Variants in SUCLG2 observed in about 807,000 individuals in gnomAD.
SUCLG2 encodes succinate--CoA ligase [GDP-forming] subunit beta, mitochondrial.
SUCLG2 carries 42 observed loss-of-function variants against 47.9 expected under a neutral mutation model. The observed-to-expected ratio is 0.88, with a 90% CI of 0.69 to 1.14. SUCLG2 has a LOEUF of 1.14. Among genes scored for constraint, SUCLG2 ranks in the 50% most tolerant of loss-of-function variants. The probability of loss-of-function intolerance (pLI) is 0.00; values close to 1 mark genes in which losing one functional copy is unlikely to be tolerated. For missense variants in SUCLG2, 571 were observed against 525.9 expected (o/e 1.09, Z -0.84); for synonymous variants, 195 against 197.3 (o/e 0.99, Z 0.10).
At chr3:67,431,633 C>G (rs1324952336) in intron 9 of SUCLG2, among the ~76,000 whole-genome samples, 1 of 151,632 alleles carries the variant, frequency 6.6e-6, no homozygotes, top group African/African-American at 2.4e-5. Flanking sequence ...CAAACTATCA[C>G]AAGGACAGAA....
chr3:67,527,674 A>G (rs1706291241), intron 4 of SUCLG2, among the ~76,000 whole-genome samples: 1 of 152,200 alleles, frequency 6.6e-6, no homozygotes, highest in Admixed American at 6.5e-5. Context: ...TACCCCCAGC[A>G]ATAAAAATGG....
intron 2 of SUCLG2, among the ~76,000 whole-genome samples, chr3:67,558,402 C>A (rs1453066764): frequency 1.3e-5 from 2 of 151,350 alleles, no homozygotes; most frequent in African/African-American, 4.9e-5. Flanking sequence ...CGGTAGCTCT[C>A]TAGAAAGAAG....
intron 2 of SUCLG2, among the ~76,000 whole-genome samples, chr3:67,554,218 C>T (rs888165790): frequency 2.0e-5 from 3 of 152,164 alleles, no homozygotes; most frequent in Non-Finnish European, 4.4e-5. Context: ...GGATGTGCTA[C>T]TACATGTTTT....
At chr3:67,402,375 A>G (rs746315400) in intron 9 of SUCLG2, among the ~76,000 whole-genome samples, 2 of 152,224 alleles carry the variant, frequency 1.3e-5, no homozygotes, top group African/African-American at 2.4e-5. Context: ...TGGAAATACA[A>G]ACTTATTGAA....
chr3:67,563,972 A>AG (rs1559574052), intron 2 of SUCLG2, among the ~76,000 whole-genome samples: 13 of 145,516 alleles, frequency 8.9e-5, no homozygotes, highest in Admixed American at 1.4e-4. Flanking sequence ...AAAAAAAAAA[A>AG]AAAAAAGAAA....
intron 7 of SUCLG2, among the ~76,000 whole-genome samples, chr3:67,505,604 T>C (rs560845843): frequency 6.6e-6 from 1 of 152,220 alleles, no homozygotes; most frequent in South Asian, 2.1e-4. Flanking sequence ...ATATGAACAA[T>C]AACCTGAATT....
At position 67,412,594 on chromosome 3, in the gene SUCLG2, T is replaced by A. The variant is rs1400985938; in HGVS notation, c.1063-11743A>T. ...AGGAGAGGGAATTGGGGGCATTTAT[T>A]CCCCCGTCCCTCCCAGCACGATTGT... On this transcript the variant is annotated intron_variant, in intron 9 of 10. Coordinates refer to ENST00000307227, the MANE Select transcript of SUCLG2 (RefSeq NM_003848.4). Among the ~76,000 whole-genome samples, 3 of 151,988 alleles carry A rather than the reference T, an allele frequency of 2.0e-5. No individual in the cohort carries two copies. In the East Asian group the frequency reaches 5.8e-4, roughly 29 times the overall value.
chr3:67,549,128 T>G (rs904288230), intron 2 of SUCLG2, among the ~76,000 whole-genome samples: 1 of 152,220 alleles, frequency 6.6e-6, no homozygotes, highest in Non-Finnish European at 1.5e-5. Context: ...TCCACAAGTT[T>G]CCTTGCACCA....
intron 10 of SUCLG2, among the ~76,000 whole-genome samples, chr3:67,387,201 T>C (rs902618344): frequency 2.0e-5 from 3 of 152,196 alleles, no homozygotes; most frequent in African/African-American, 7.2e-5. Flanking sequence ...TGCAGCATAA[T>C]TGATCCCAAT....
intron 1 of SUCLG2, among the ~76,000 whole-genome samples, chr3:67,637,222 G>C (rs1701025520): frequency 6.6e-6 from 1 of 152,094 alleles, no homozygotes; most frequent in Admixed American, 6.5e-5. Context: ...AAATTAAAAA[G>C]GGATATCAGA....
chr3:67,497,117 A>G (rs1705366374), intron 8 of SUCLG2, among the ~76,000 whole-genome samples: 1 of 152,170 alleles, frequency 6.6e-6, no homozygotes. Flanking sequence ...CAGGATCAGA[A>G]TGATGTGAGT....
Position 67,498,323 on chromosome 3 carries a change from T to C in SUCLG2, c.758-28A>G, listed in dbSNP as rs776331948. 4 of 1,608,794 alleles carry C rather than the reference T, an allele frequency of 2.5e-6. No individual in the cohort carries two copies. The South Asian group carries it at 3.3e-5, about 13-fold the overall frequency. ...AAATAAAGAAGAAAACAATCATACTTGAATATCTCTTGAGGATCTATAAAT... is the reference window on the plus strand; with the variant it reads ...AAATAAAGAAGAAAACAATCATACTCGAATATCTCTTGAGGATCTATAAAT... On this transcript the variant is annotated intron_variant, in intron 7 of 10. Transcript: ENST00000307227.
At chr3:67,419,365 T>C (rs1703103532) in intron 9 of SUCLG2, among the ~76,000 whole-genome samples, 2 of 152,176 alleles carry the variant, frequency 1.3e-5, no homozygotes, top group Admixed American at 1.3e-4. Context: ...GCCTATTCAT[T>C]AGGAAGGTAC....
rs138012917 is a variant in SUCLG2 at position 67,492,031 on chromosome 3, T to A, written c.1062+3767A>T. ...AGAATCCCACTAAGAGTCCCTTCCA[T>A]TCTTCAACTTGTCTTTGGTGCTTAG... is the stretch of plus-strand genomic sequence containing the variant. On this transcript the variant is annotated intron_variant, in intron 9 of 10. Transcript: ENST00000307227. Among the ~76,000 whole-genome samples the A allele has an allele frequency of 3.1e-3, 466 of 152,308 alleles. 6 individuals carry two copies. The highest frequency in any genetic ancestry group is 0.01 in the African/African-American group (436 of 41,572).
At chr3:67,360,552 T>C in exon 11 of SUCLG2, 1 of 1,396,388 alleles carries the variant, frequency 7.2e-7, no homozygotes, top group South Asian at 1.6e-5. Flanking sequence ...TGAACCCAAA[T>C]GTAAAAAAAT....
chr3:67,445,921 A>C (rs1160323391), intron 9 of SUCLG2, among the ~76,000 whole-genome samples: 1 of 70,632 alleles, frequency 1.4e-5, no homozygotes, highest in African/African-American at 5.0e-5. Context: ...CTATCCCTTC[A>C]GCCATAGTTC....
intron 2 of SUCLG2, among the ~76,000 whole-genome samples, chr3:67,539,528 GT>G (rs1174240416): frequency 1.3e-5 from 2 of 152,004 alleles, no homozygotes; most frequent in Non-Finnish European, 2.9e-5. Context: ...TTCTTTTTTT[GT>G]TGTGTCTCTG....
chr3:67,368,211 T>C (rs1701900924), intron 10 of SUCLG2, among the ~76,000 whole-genome samples: 1 of 152,154 alleles, frequency 6.6e-6, no homozygotes, highest in Non-Finnish European at 1.5e-5. Flanking sequence ...TCCAGTAAAA[T>C]TTCTTCTCCT....
intron 9 of SUCLG2, among the ~76,000 whole-genome samples, chr3:67,475,345 C>G (rs1704722251): frequency 6.6e-6 from 1 of 152,152 alleles, no homozygotes. Context: ...GCAAAAATGG[C>G]AAGGAAACTT....
Sources: gnomAD v4.1 joint callset for allele counts (sites outside exome capture counted in the v4.1 genomes callset) on GRCh38, gnomAD v4.1.1 for gene constraint, MANE v1.5 for transcripts, NCBI Gene and HGNC (gene_info 2026-07-23, HGNC 2026-07-21) for gene names.